The following CADPS2 variants were observed in gnomAD, a reference collection of about 807,000 sequenced individuals.
CADPS2 encodes the protein calcium-dependent secretion activator 2.
A neutral mutation model predicts 172.5 loss-of-function variants in CADPS2; 93 were observed. The ratio of observed to expected loss-of-function variants is 0.54; its 90% CI spans 0.46 to 0.64. The LOEUF is 0.64. CADPS2 is among the 30% of genes least tolerant of loss of function. The probability of loss-of-function intolerance (pLI) is 0.00; values close to 1 mark genes in which losing one functional copy is unlikely to be tolerated. For missense variants in CADPS2, 1,420 were observed against 1,565.9 expected (o/e 0.91, Z 1.57); for synonymous variants, 546 against 555.2 (o/e 0.98, Z 0.23).
chr7:122,615,441 C>T, intron 5 of CADPS2, 142 bp from the exon 6 acceptor site: 1 of 480,490 alleles, frequency 2.1e-6, no homozygotes, highest in East Asian at 3.1e-5. Context: ...GGTATTTTAT[C>T]TTCTTTATAA....
Position 122,519,633 on chromosome 7 carries a change from G to C in CADPS2, c.1476-6318C>G, listed in dbSNP as rs575976121. On this transcript the variant is annotated intron_variant, in intron 8 of 29. Transcript: ENST00000449022. ...ACACAACTGATTGCTAGGAAACAAAGCACAAAGACAACTAAATATATTCCA... is the reference window on the plus strand; with the variant it reads ...ACACAACTGATTGCTAGGAAACAAACCACAAAGACAACTAAATATATTCCA... Among the ~76,000 whole-genome samples, 4 of 151,860 alleles carry C rather than the reference G, an allele frequency of 2.6e-5. No homozygotes were observed. The South Asian group carries it at 8.3e-4, about 32-fold the overall frequency.
chr7:122,512,820 T>A (rs1240647676), intron 9 of CADPS2, among the ~76,000 whole-genome samples: 1 of 152,116 alleles, frequency 6.6e-6, no homozygotes, highest in Non-Finnish European at 1.5e-5. Flanking sequence ...ATCTCCAATA[T>A]CTTTTCAGAG....
intron 18 of CADPS2, among the ~76,000 whole-genome samples, chr7:122,415,034 A>G (rs1176634183): frequency 1.3e-5 from 2 of 152,188 alleles, no homozygotes; most frequent in Non-Finnish European, 2.9e-5. Context: ...ACTCATGGCT[A>G]TTAGAAAGAG....
intron 1 of CADPS2, among the ~76,000 whole-genome samples, chr7:122,870,030 G>T (rs1819346013): frequency 6.6e-6 from 1 of 151,840 alleles, no homozygotes; most frequent in Non-Finnish European, 1.5e-5. Flanking sequence ...AGCAAAAGAA[G>T]AGAGGAACAA....
At chr7:122,848,100 T>C (rs932017098) in intron 1 of CADPS2, among the ~76,000 whole-genome samples, 4 of 152,254 alleles carry the variant, frequency 2.6e-5, no homozygotes, top group East Asian at 1.9e-4. Flanking sequence ...ATTTTGCCTA[T>C]AGCTAATGTC....
intron 7 of CADPS2, 30 bp downstream of exon 7, chr7:122,581,149 C>T (rs1422354494): frequency 3.9e-6 from 6 of 1,537,462 alleles, no homozygotes; most frequent in Non-Finnish European, 5.4e-6. Flanking sequence ...AACTGTTCTA[C>T]CCTGGACACA....
At chr7:122,635,693 G>T (rs572951148) in intron 3 of CADPS2, among the ~76,000 whole-genome samples, 1 of 152,192 alleles carries the variant, frequency 6.6e-6, no homozygotes, top group South Asian at 2.1e-4. Context: ...TGGGCATTTG[G>T]ATTGGTTCCA....
chr7:122,650,034 G>A (rs191277155), intron 3 of CADPS2, among the ~76,000 whole-genome samples: 3 of 146,368 alleles, frequency 2.0e-5, no homozygotes, highest in East Asian at 2.1e-4. Flanking sequence ...TCAGCCTCCC[G>A]AGTAGCTGGG....
intron 2 of CADPS2, among the ~76,000 whole-genome samples, chr7:122,707,213 C>A (rs924531760): frequency 2.0e-5 from 3 of 151,920 alleles, no homozygotes; most frequent in East Asian, 3.9e-4. Flanking sequence ...GCCAGAGTCT[C>A]TGTTAATGGG....
At chr7:122,826,042 GA>G (rs1053659154) in intron 1 of CADPS2, among the ~76,000 whole-genome samples, 2 of 152,198 alleles carry the variant, frequency 1.3e-5, no homozygotes, top group Non-Finnish European at 2.9e-5. Context: ...ACAACATGGG[GA>G]GCTTAACTTC....
intron 2 of CADPS2, among the ~76,000 whole-genome samples, chr7:122,705,981 A>AAT (rs1450514297): frequency 1.6e-5 from 1 of 60,956 alleles, no homozygotes; most frequent in African/African-American, 7.6e-5. Context: ...TATAATATAT[A>AAT]ATATTATATA....
In CADPS2 at chr7:122,605,066, G is replaced by T. The variant is rs531691519; in HGVS notation, c.1223+10115C>A. ...TACTGTAGACAACTGTAACACAAAGGTAAGTATGTGTATTTCTAAACATAT... is the reference window on the plus strand; with the variant it reads ...TACTGTAGACAACTGTAACACAAAGTTAAGTATGTGTATTTCTAAACATAT... On this transcript the variant is annotated intron_variant, in intron 6 of 29. Coordinates refer to ENST00000449022, the MANE Select transcript of CADPS2 (RefSeq NM_017954.11). Among the ~76,000 whole-genome samples, 20 of 152,206 alleles carry T rather than the reference G, an allele frequency of 1.3e-4. 1 individual carries two copies. In the South Asian group the frequency reaches 3.7e-3, roughly 28 times the overall value.
intron 7 of CADPS2, among the ~76,000 whole-genome samples, chr7:122,557,398 G>T (rs1175537899): frequency 6.6e-6 from 1 of 152,100 alleles, no homozygotes; most frequent in African/African-American, 2.4e-5. Flanking sequence ...CACAGTGCCT[G>T]CCAGATAGGA....
chr7:122,824,473 T>C (rs1804306221), intron 1 of CADPS2, among the ~76,000 whole-genome samples: 1 of 152,232 alleles, frequency 6.6e-6, no homozygotes, highest in African/African-American at 2.4e-5. Context: ...TGATATCTCA[T>C]TACAGTTTAA....
intron 2 of CADPS2, among the ~76,000 whole-genome samples, chr7:122,672,701 T>C (rs925012239): frequency 1.1e-4 from 17 of 152,192 alleles, no homozygotes; most frequent in Non-Finnish European, 2.9e-5. Flanking sequence ...GGCAGCCAGA[T>C]GTCCTGCTGG....
intron 25 of CADPS2, among the ~76,000 whole-genome samples, chr7:122,375,868 A>C (rs532589209): frequency 2.6e-5 from 4 of 151,870 alleles, no homozygotes; most frequent in Admixed American, 6.6e-5. Flanking sequence ...TTGTCTGATA[A>C]GGAGTTGACA....
intron 14 of CADPS2, among the ~76,000 whole-genome samples, chr7:122,456,439 G>A (rs1274538778): frequency 6.6e-6 from 1 of 151,962 alleles, no homozygotes; most frequent in East Asian, 1.9e-4. Flanking sequence ...AGTTATTGAA[G>A]TTACATGATT....
intron 2 of CADPS2, among the ~76,000 whole-genome samples, chr7:122,672,699 G>C (rs1382706010): frequency 6.6e-6 from 1 of 152,158 alleles, no homozygotes. Context: ...TTGGCAGCCA[G>C]ATGTCCTGCT....
At chr7:122,873,465 T>C (rs1324393014) in intron 1 of CADPS2, among the ~76,000 whole-genome samples, 1 of 152,126 alleles carries the variant, frequency 6.6e-6, no homozygotes, top group African/African-American at 2.4e-5. Flanking sequence ...ATGATGGTTT[T>C]CAGCTTCATC....
Sources: allele counts gnomAD v4.1 joint callset (sites outside exome capture counted in the v4.1 genomes callset), GRCh38; gene constraint gnomAD v4.1.1; transcripts MANE v1.5; gene names NCBI Gene and HGNC (gene_info 2026-07-23, HGNC 2026-07-21).